XPO7: variants seen among roughly 807,000 people sequenced by gnomAD.
The protein encoded by XPO7 is exportin 7.
Under a neutral mutation model 144.3 loss-of-function variants are expected in XPO7, and 21 were observed. That is an observed-to-expected ratio of 0.15 (90% CI 0.10 to 0.21). The LOEUF is 0.21. Ranked by LOEUF, XPO7 falls within the 10% of genes least tolerant of loss-of-function variation. The pLI is 1.00. For synonymous variants in XPO7, 580 were observed against 499.6 expected (o/e 1.16, Z -2.15); for missense variants, 808 against 1,325.8 (o/e 0.61, Z 6.06).
chr8:22,004,610 C>T (rs1352515984), intron 27 of XPO7, among the ~76,000 whole-genome samples: 2 of 152,064 alleles, frequency 1.3e-5, no homozygotes, highest in Non-Finnish European at 2.9e-5. Flanking sequence ...TCACACTGGC[C>T]ATAATTCAGG....
At chr8:21,950,834 G>GGT (rs1811345533) in intron 1 of XPO7, among the ~76,000 whole-genome samples, 1 of 151,854 alleles carries the variant, frequency 6.6e-6, no homozygotes, top group African/African-American at 2.4e-5. Flanking sequence ...TAGAAAATGA[G>GGT]GTATATATAA....
intron 27 of XPO7, among the ~76,000 whole-genome samples, 186 bp from the exon 28 acceptor site, chr8:22,004,809 C>G (rs1813268684): frequency 6.6e-6 from 1 of 151,774 alleles, no homozygotes; most frequent in South Asian, 2.1e-4. Flanking sequence ...CCTCAGGGCC[C>G]CAGATTTGAC....
At chr8:21,927,225 A>T (rs1022065830) in intron 1 of XPO7, among the ~76,000 whole-genome samples, 3 of 62,664 alleles carry the variant, frequency 4.8e-5, no homozygotes, top group South Asian at 3.2e-4. Context: ...CAAGTCTTTT[A>T]AAAAAAATTA....
At chr8:21,956,958 A>G (rs1424814035) in intron 1 of XPO7, among the ~76,000 whole-genome samples, 1 of 152,232 alleles carries the variant, frequency 6.6e-6, no homozygotes, top group Non-Finnish European at 1.5e-5. Flanking sequence ...ATCAAGATTA[A>G]GATAATACAG....
intron 1 of XPO7, among the ~76,000 whole-genome samples, chr8:21,930,252 C>A (rs1810599455): frequency 6.6e-6 from 1 of 152,178 alleles, no homozygotes. Flanking sequence ...TGGTGAGATA[C>A]ACACATCAGT....
intron 1 of XPO7, among the ~76,000 whole-genome samples, chr8:21,941,196 G>A (rs1173932021): frequency 2.0e-5 from 3 of 150,998 alleles, no homozygotes; most frequent in Non-Finnish European, 4.4e-5. Context: ...GGAGTGCAGT[G>A]GCACAATCAT....
intron 25 of XPO7, 138 bp from the exon 26 acceptor site, chr8:22,003,075 ATGAAGC>A: frequency 2.0e-6 from 1 of 499,044 alleles, no homozygotes; most frequent in Non-Finnish European, 3.5e-6. Flanking sequence ...GAAGACTCAG[ATGAAGC>A]TTCACAAACT....
chr8:21,991,403 G>A (rs1251669521), intron 18 of XPO7, among the ~76,000 whole-genome samples: 3 of 152,170 alleles, frequency 2.0e-5, no homozygotes, highest in Non-Finnish European at 2.9e-5. Context: ...CTCTAATTTC[G>A]AGCTGTTTAA....
At chr8:21,929,050 T>C (rs1004170421) in intron 1 of XPO7, among the ~76,000 whole-genome samples, 5 of 152,258 alleles carry the variant, frequency 3.3e-5, no homozygotes, top group African/African-American at 4.8e-5. Context: ...CAGCCCAGTA[T>C]GTTTCTAACC....
chr8:21,948,611 C>A (rs188458866), intron 1 of XPO7, among the ~76,000 whole-genome samples: 1 of 152,180 alleles, frequency 6.6e-6, no homozygotes, highest in Non-Finnish European at 1.5e-5. Context: ...ATAAAATTGT[C>A]ATTTTTACAG....
intron 15 of XPO7, chr8:21,988,769 C>A: frequency 1.9e-6 from 1 of 514,090 alleles, no homozygotes; most frequent in Non-Finnish European, 3.5e-6. Flanking sequence ...TGGGTATGGG[C>A]CAGTGTAGCT....
At chr8:21,988,437 CTCAATTTA>C (rs1445394108) in intron 15 of XPO7, 1 of 155,406 alleles carries the variant, frequency 6.4e-6, no homozygotes, top group East Asian at 1.9e-4. Context: ...TTTTTAGGAG[CTCAATTTA>C]TCAAAGCACA....
In XPO7 at chr8:21,984,536, C is replaced by A. The variant is rs1182715726; in HGVS notation, c.1278-110C>A. On this transcript the variant is annotated intron_variant, in intron 11 of 27. Transcript: ENST00000252512. Reference sequence around the variant, plus strand: ...GTTAAAAGTAATGTCGGGATGTAGACCTCTACAGTCAGAAATGGTGGCTAA... The same window carrying A: ...GTTAAAAGTAATGTCGGGATGTAGAACTCTACAGTCAGAAATGGTGGCTAA... 8 of 1,000,780 alleles carry A rather than the reference C, an allele frequency of 8.0e-6. No homozygotes were observed. The Admixed American group carries it at 1.7e-4, about 21-fold the overall frequency. 62.0% of individuals were successfully genotyped at this position (1,000,780 alleles called of 1,614,324 possible).
At chr8:21,983,872 T>C (rs1308838869) in intron 11 of XPO7, among the ~76,000 whole-genome samples, 1 of 152,194 alleles carries the variant, frequency 6.6e-6, no homozygotes, top group Non-Finnish European at 1.5e-5. Flanking sequence ...CTGCTGCTGC[T>C]GCCATTATCA....
rs760025840 is a variant in XPO7 at position 21,994,314 on chromosome 8, C to T, written c.2149-49C>T. The T allele has an allele frequency of 1.1e-5, 16 of 1,412,146 alleles. No homozygotes were observed. In the South Asian group the frequency reaches 1.9e-4, roughly 17 times the overall value. The allele number at this position is 1,412,146 out of a possible 1,614,324, so 87.5% of individuals were successfully genotyped here. On this transcript the variant is annotated intron_variant, in intron 19 of 27. Coordinates refer to ENST00000252512, the MANE Select transcript of XPO7 (RefSeq NM_015024.5). ...GTGTGGAATCCTCATCAGATTGTTA[C>T]AGTTTTGTCTTTTCTTCTATTTTAA...
At chr8:21,995,824 T>A (rs1026228504) in intron 21 of XPO7, among the ~76,000 whole-genome samples, 1 of 151,970 alleles carries the variant, frequency 6.6e-6, no homozygotes, top group Non-Finnish European at 1.5e-5. Context: ...TTTGTTTGTC[T>A]TGTTTTTTTT....
rs1186221806 is a variant in XPO7 at position 21,998,841 on chromosome 8, A to G, written c.2428+4A>G. 6.2e-7 allele frequency: 1 copy of G among 1,613,690 alleles called. No homozygotes were observed. The highest frequency in any genetic ancestry group is 8.5e-7 in the Non-Finnish European group (1 of 1,179,728). On this transcript the variant is annotated splice_donor_region_variant and intron_variant, in intron 22 of 27. Coordinates refer to ENST00000252512, the MANE Select transcript of XPO7 (RefSeq NM_015024.5). ...AGCAAGATGATAACAATGTATGGTAAGTGCTTCAGATAATCATGCCTCTAG... is the reference window on the plus strand; with the variant it reads ...AGCAAGATGATAACAATGTATGGTAGGTGCTTCAGATAATCATGCCTCTAG...
At chr8:21,990,557 AC>A in intron 17 of XPO7, 150 bp downstream of exon 17, 1 of 913,346 alleles carries the variant, frequency 1.1e-6, no homozygotes. Context: ...GATTATACTT[AC>A]GTCATCAGAG....
intron 5 of XPO7, among the ~76,000 whole-genome samples, chr8:21,972,647 T>C (rs10101881): frequency 0.57 from 87,410 of 152,030 alleles, 25,910 homozygotes; most frequent in African/African-American, 0.73. Flanking sequence ...CTTTCTTTTG[T>C]CCTGGCTATA....
Sources: allele counts gnomAD v4.1 joint callset (sites outside exome capture counted in the v4.1 genomes callset), GRCh38; gene constraint gnomAD v4.1.1; transcripts MANE v1.5; gene names NCBI Gene and HGNC (gene_info 2026-07-23, HGNC 2026-07-21).